ANK2: variants seen among roughly 807,000 people sequenced by gnomAD.
The protein encoded by ANK2 is ankyrin 2, also known as ankyrin-2.
In ANK2, 83 loss-of-function variants were observed where a neutral mutation model predicts 360.5. That is an observed-to-expected ratio of 0.23 (90% CI 0.19 to 0.28). ANK2 has a LOEUF of 0.28. Among genes scored for constraint, ANK2 ranks in the 10% least tolerant of loss-of-function variants. ANK2 has a pLI of 1.00. For synonymous variants in ANK2, 1,740 were observed against 1,759.5 expected (o/e 0.99, Z 0.28); for missense variants, 4,201 against 4,795.7 (o/e 0.88, Z 3.66).
At chr4:113,319,411 TTTTA>T (rs2084755191) in intron 26 of ANK2, among the ~76,000 whole-genome samples, 1 of 151,138 alleles carries the variant, frequency 6.6e-6, no homozygotes. Flanking sequence ...AATTTCTATT[TTTTA>T]TTTAATTATT....
chr4:112,972,433 A>G (rs1313112290), intron 2 of ANK2, among the ~76,000 whole-genome samples: 2 of 151,844 alleles, frequency 1.3e-5, no homozygotes, highest in Non-Finnish European at 2.9e-5. Flanking sequence ...ATTATGTAAA[A>G]TTTTCTGTGC....
Position 113,049,688 on chromosome 4 carries a change from CG to C in ANK2, c.-39del, listed in dbSNP as rs776225772. On this transcript the variant is annotated 5_prime_UTR_variant, in exon 1 of 46. Coordinates refer to ENST00000357077, the MANE Select transcript of ANK2 (RefSeq NM_001148.6). ...CCGCTAGTGGTCTGTACAGGCGGCA[CG>C]GTTTGATGGCAGAGATATTTTCTTT... 5.3e-6 allele frequency: 8 copies of C among 1,520,646 alleles called. No homozygotes were observed. The African/African-American group carries it at 5.6e-5, about 11-fold the overall frequency. The allele number at this position is 1,520,646 out of a possible 1,614,324, so 94.2% of individuals were successfully genotyped here.
intron 1 of ANK2, among the ~76,000 whole-genome samples, chr4:112,850,300 CTA>C (rs2064428965): frequency 8.2e-6 from 1 of 122,580 alleles, no homozygotes; most frequent in African/African-American, 3.3e-5. Flanking sequence ...ATCTATCTAT[CTA>C]ATTTGTTCAT....
chr4:113,310,695 G>T (rs989182877), intron 23 of ANK2, among the ~76,000 whole-genome samples: 1 of 152,230 alleles, frequency 6.6e-6, no homozygotes, highest in Non-Finnish European at 1.5e-5. Flanking sequence ...GGGATTACAG[G>T]CATGAGCCAC....
At position 112,936,545 on chromosome 4, in the gene ANK2, C is replaced by T. The variant is rs553524399; in HGVS notation, c.21+32031C>T. Among the ~76,000 whole-genome samples the T allele has an allele frequency of 2.0e-5, 3 of 152,218 alleles. No homozygotes were observed. In the South Asian group the frequency reaches 6.2e-4, roughly 32 times the overall value. ...ATTTTTAGTAGAGATAGGGTTTTAC[C>T]ATGTGGATCAGGCTGGTCTCGAACT... On this transcript the variant is annotated intron_variant, in intron 2 of 30. Transcript: ENST00000503271.
chr4:112,802,576 G>A, the ANK2 span, among the ~76,000 whole-genome samples: 1 of 152,126 alleles, frequency 6.6e-6, no homozygotes, highest in Non-Finnish European at 1.5e-5. Context: ...GAGGAGAGGG[G>A]CATTATTCCT....
chr4:112,796,515 AT>A, the ANK2 span, among the ~76,000 whole-genome samples: 12 of 151,544 alleles, frequency 7.9e-5, no homozygotes, highest in African/African-American at 2.9e-4. Context: ...TAACTATTAA[AT>A]TTTTTTTAAC....
At chr4:112,814,999 A>G (rs570228701), upstream of ANK2, among the ~76,000 whole-genome samples, 2 of 134,512 alleles carry the variant, frequency 1.5e-5, no homozygotes, top group African/African-American at 5.5e-5. Context: ...AAGAAACTAA[A>G]TACAAAAAGA....
At chr4:113,233,158 G>C (rs2099338468) in intron 5 of ANK2, among the ~76,000 whole-genome samples, 1 of 82,606 alleles carries the variant, frequency 1.2e-5, no homozygotes, top group African/African-American at 4.6e-5. Flanking sequence ...TTTTTGAGAC[G>C]GAGTCTCGCT....
chr4:112,773,045 C>A, the ANK2 span, among the ~76,000 whole-genome samples: 5 of 152,026 alleles, frequency 3.3e-5, no homozygotes, highest in Non-Finnish European at 7.4e-5. Context: ...TGGTTGGATG[C>A]GGTGGCTCAT....
At chr4:113,059,721 A>C (rs1386167936) in intron 1 of ANK2, among the ~76,000 whole-genome samples, 4 of 152,122 alleles carry the variant, frequency 2.6e-5, no homozygotes, top group Admixed American at 2.6e-4. Context: ...ATTTTAGATT[A>C]TTCTGAAAAG....
In ANK2 at chr4:113,300,606, A is replaced by G. The variant is rs973523454; in HGVS notation, c.2476-2161A>G. On this transcript the variant is annotated intron_variant, in intron 22 of 45. Coordinates refer to ENST00000357077, the MANE Select transcript of ANK2 (RefSeq NM_001148.6). ...TAGCAGCAGATAAACACAGTTAAAC[A>G]AAGACATTCACTGGGGAGGATCAGG... Among the ~76,000 whole-genome samples the G allele has an allele frequency of 5.3e-5, 8 of 152,316 alleles. No homozygotes were observed. In the East Asian group the frequency reaches 9.6e-4, roughly 18 times the overall value.
At chr4:113,036,505 G>A (rs1444121229) in intron 2 of ANK2, among the ~76,000 whole-genome samples, 1 of 151,688 alleles carries the variant, frequency 6.6e-6, no homozygotes, top group Admixed American at 6.6e-5. Flanking sequence ...AGTGATTTGG[G>A]TAAGACTACA....
intron 2 of ANK2, among the ~76,000 whole-genome samples, chr4:113,039,239 CT>C (rs137871589): frequency 0.048 from 7,294 of 151,904 alleles, 219 homozygotes; most frequent in Admixed American, 0.079. Context: ...TTAATCATAA[CT>C]ATTTAAAGTC....
intron 1 of ANK2, among the ~76,000 whole-genome samples, chr4:113,117,944 A>G (rs892726039): frequency 5.9e-5 from 9 of 152,164 alleles, no homozygotes; most frequent in African/African-American, 1.2e-4. Flanking sequence ...GTGAAGCTGC[A>G]CTAAGAATAT....
At chr4:112,885,796 CA>C (rs750277917) in intron 1 of ANK2, among the ~76,000 whole-genome samples, 1,179 of 26,884 alleles carry the variant, frequency 0.044, 1 homozygote, top group Middle Eastern at 0.088. Flanking sequence ...GACTCTGTCT[CA>C]AAAAAAAAAA....
At chr4:113,103,563 A>C (rs1465921972) in intron 1 of ANK2, among the ~76,000 whole-genome samples, 1 of 152,202 alleles carries the variant, frequency 6.6e-6, no homozygotes, top group Non-Finnish European at 1.5e-5. Context: ...TGAATTTATG[A>C]CTAATGACTA....
intron 1 of ANK2, among the ~76,000 whole-genome samples, chr4:113,128,740 C>T (rs1262088615): frequency 6.6e-6 from 1 of 152,270 alleles, no homozygotes; most frequent in East Asian, 1.9e-4. Flanking sequence ...TCGTCCACCT[C>T]GGCTTCCCAA....
intron 1 of ANK2, among the ~76,000 whole-genome samples, chr4:113,109,285 A>T (rs888783226): frequency 1.3e-5 from 2 of 152,116 alleles, no homozygotes; most frequent in Non-Finnish European, 2.9e-5. Context: ...TGAAGTCTTT[A>T]TAGATCTGTT....
Sources: allele counts gnomAD v4.1 joint callset (sites outside exome capture counted in the v4.1 genomes callset), GRCh38; gene constraint gnomAD v4.1.1; transcripts MANE v1.5; gene names NCBI Gene and HGNC (gene_info 2026-07-23, HGNC 2026-07-21).